TRPC1: variants seen among roughly 807,000 people sequenced by gnomAD.
The protein encoded by TRPC1 is short transient receptor potential channel 1.
TRPC1 carries 42 observed loss-of-function variants against 88.2 expected under a neutral mutation model. The observed-to-expected ratio is 0.48, with a 90% CI of 0.37 to 0.62. The LOEUF (loss-of-function observed/expected upper bound fraction) is 0.62, where lower values mean the gene tolerates loss of function less well. TRPC1 is among the 20% of genes least tolerant of loss of function. The pLI is 0.00. For synonymous variants in TRPC1, 288 were observed against 331.8 expected (o/e 0.87, Z 1.43); for missense variants, 699 against 957.3 (o/e 0.73, Z 3.56).
At chr3:142,802,119 T>G (rs1936638094) in intron 9 of TRPC1, 50 bp from the exon 10 acceptor site, 2 of 1,272,452 alleles carry the variant, frequency 1.6e-6, no homozygotes, top group African/African-American at 3.1e-5. Flanking sequence ...ATATTTAATA[T>G]TTTGTTTTTC....
chr3:142,752,660 C>T (rs962359646), intron 4 of TRPC1, among the ~76,000 whole-genome samples: 2 of 152,124 alleles, frequency 1.3e-5, no homozygotes, highest in African/African-American at 4.8e-5. Flanking sequence ...AGGTCTTTCT[C>T]ATCCCACGAG....
rs1363623226 is a variant in TRPC1, at chr3:142,807,704, A to T, written c.*1469A>T. 6.6e-6 allele frequency: 1 copy of T among 152,178 alleles called. No homozygotes were observed. Among genetic ancestry groups the T allele is most frequent in the Non-Finnish European group, 1.5e-5 (1 of 68,026 alleles). 9.4% of individuals were successfully genotyped at this position (152,178 alleles called of 1,614,324 possible). ...AGTTATATATTTTGTCTACGATGGG[A>T]TTATGCACTTCCCAATTGGGATTTT... is the stretch of plus-strand genomic sequence containing the variant. On this transcript the variant is annotated 3_prime_UTR_variant, in exon 13 of 13. Coordinates refer to ENST00000476941, the MANE Select transcript of TRPC1 (RefSeq NM_001251845.2).
chr3:142,751,842 A>T (rs891306170), intron 4 of TRPC1, among the ~76,000 whole-genome samples: 5 of 152,216 alleles, frequency 3.3e-5, no homozygotes, highest in South Asian at 2.1e-4. Flanking sequence ...TCTGATGTTT[A>T]TTTGCAGAGG....
chr3:142,793,948 T>G, intron 9 of TRPC1: 3 of 952,094 alleles, frequency 3.2e-6, no homozygotes, highest in Non-Finnish European at 3.8e-6. Context: ...TCCTGTGAGA[T>G]GCTCTGAATT....
chr3:142,748,703 G>A (rs899315588), intron 4 of TRPC1, among the ~76,000 whole-genome samples: 2 of 152,168 alleles, frequency 1.3e-5, no homozygotes, highest in African/African-American at 2.4e-5. Context: ...TACTCCTGCT[G>A]GCAGGGGCAC....
At chr3:142,803,847 A>C in intron 10 of TRPC1, 130 bp from the exon 11 acceptor site, 1 of 919,582 alleles carries the variant, frequency 1.1e-6, no homozygotes, top group Non-Finnish European at 1.6e-6. Flanking sequence ...GGAAGTCAAC[A>C]TCATTTTTAA....
intron 1 of TRPC1, among the ~76,000 whole-genome samples, chr3:142,732,967 T>C (rs1455266805): frequency 6.1e-5 from 4 of 65,882 alleles, no homozygotes; most frequent in Non-Finnish European, 1.0e-4. Context: ...TGTTCTGGTC[T>C]TTTTTTTTTT....
At chr3:142,751,349 AT>A (rs1462255509) in intron 4 of TRPC1, among the ~76,000 whole-genome samples, 4 of 152,172 alleles carry the variant, frequency 2.6e-5, no homozygotes, top group Non-Finnish European at 5.9e-5. Context: ...ATGTTTAGAT[AT>A]GCAAATATTT....
intron 2 of TRPC1, 118 bp from the exon 3 acceptor site, chr3:142,743,367 G>A (rs1934424083): frequency 1.4e-6 from 1 of 711,034 alleles, no homozygotes; most frequent in Non-Finnish European, 2.1e-6. Context: ...GAAAAATTTT[G>A]TATTACTGTA....
intron 4 of TRPC1, among the ~76,000 whole-genome samples, chr3:142,772,056 G>C (rs1935595242): frequency 6.6e-6 from 1 of 152,042 alleles, no homozygotes. Flanking sequence ...GGGTTCCCTT[G>C]TAAGTGACCT....
intron 4 of TRPC1, among the ~76,000 whole-genome samples, chr3:142,766,919 T>C (rs1424684051): frequency 2.0e-5 from 3 of 152,242 alleles, no homozygotes; most frequent in Non-Finnish European, 4.4e-5. Flanking sequence ...AATCTTTTTC[T>C]TGAAAATTTC....
rs59784693 is a variant in TRPC1 at position 142,798,565 on chromosome 3, C to T, written c.1582-3604C>T. ...GGCAAAGGACAAAGGGAAAGTAACA[C>T]GCAGAAGCGTGGAGTCCTAAAGCAT... is the stretch of plus-strand genomic sequence containing the variant. On this transcript the variant is annotated intron_variant, in intron 9 of 12. Coordinates refer to ENST00000476941, the MANE Select transcript of TRPC1 (RefSeq NM_001251845.2). Among the ~76,000 whole-genome samples, 1,179 of 152,252 alleles carry T rather than the reference C, an allele frequency of 7.7e-3. 12 individuals carry two copies. Among genetic ancestry groups the T allele is most frequent in the African/African-American group, 0.027 (1,128 of 41,542 alleles).
Position 142,736,450 on chromosome 3 carries a change from G to A in TRPC1, c.244G>A (p.Val82Met), listed in dbSNP as rs1560092689. The change falls in exon 2 of 13, where the codon GTG (valine) becomes ATG (methionine). Residue 82 changes from valine to methionine, a missense_variant. Val to Met is a conservative substitution (Grantham distance 21). This residue lies in a region of TRPC1 where 157 missense variants were observed against 127.0 expected (regional missense o/e 1.24). Coordinates refer to ENST00000476941, the MANE Select transcript of TRPC1 (RefSeq NM_001251845.2). Reference protein sequence around the residue: ...SGDLNINCVDVLGRNAVTITI... With the variant: ...SGDLNINCVDMLGRNAVTITI... ...TGACTTGAACATAAATTGCGTAGAT[G>A]TGCTTGGGAGAAATGCTGTTACCAT... is the stretch of plus-strand genomic sequence containing the variant. 6.2e-7 allele frequency: 1 copy of A among 1,612,818 alleles called. No individual in the cohort carries two copies. Among genetic ancestry groups the A allele is most frequent in the Non-Finnish European group, 8.5e-7 (1 of 1,179,522 alleles).
intron 9 of TRPC1, among the ~76,000 whole-genome samples, chr3:142,798,317 C>G (rs1220026184): frequency 6.6e-6 from 1 of 152,112 alleles, no homozygotes; most frequent in Non-Finnish European, 1.5e-5. Flanking sequence ...TTAATTAATG[C>G]ACTGGGCTCT....
Position 142,724,297 on chromosome 3 carries a change from G to C in TRPC1, c.-263G>C, listed in dbSNP as rs567607353. 1 of 226,530 alleles carries C rather than the reference G, an allele frequency of 4.4e-6. No individual in the cohort carries two copies. Among genetic ancestry groups the C allele is most frequent in the Non-Finnish European group, 8.6e-6 (1 of 116,832 alleles). 14.0% of individuals were successfully genotyped at this position (226,530 alleles called of 1,614,324 possible). A position where few individuals can be genotyped will look rare whatever the true frequency, so the allele number is the denominator to read the frequency against. On this transcript the variant is annotated 5_prime_UTR_variant, in exon 1 of 13. Coordinates refer to ENST00000476941, the MANE Select transcript of TRPC1 (RefSeq NM_001251845.2). The surrounding 1 kb of genome is among the most constrained non-coding windows in gnomAD (Gnocchi z 5.6). ...TCCCCGGACGGGCGCGGACCGGCTC[G>C]GCCGGGGCGCCGGCGGCTGGGGAGG... is the stretch of plus-strand genomic sequence containing the variant.
rs1049582548 is a variant in TRPC1, at chr3:142,767,406, GT to G, written c.633-10223del. ...TGCAAATATTTTCTCCCAGTCTGTG[GT>G]TTGCCTTCTCATTCTTATGATCCAC... On this transcript the variant is annotated intron_variant, in intron 4 of 12. Transcript: ENST00000476941. The surrounding 1 kb of genome is among the most constrained non-coding windows in gnomAD (Gnocchi z 5.1). 6.6e-6 allele frequency among the ~76,000 whole-genome samples: 1 copy of G among 151,472 alleles called. No homozygotes were observed. The highest frequency in any genetic ancestry group is 1.5e-5 in the Non-Finnish European group (1 of 67,810).
At chr3:142,785,504 T>G (rs1466130858) in intron 7 of TRPC1, among the ~76,000 whole-genome samples, 1 of 152,194 alleles carries the variant, frequency 6.6e-6, no homozygotes, top group Non-Finnish European at 1.5e-5. Flanking sequence ...TTGTTTTGTT[T>G]TGTTTTGTTT....
chr3:142,773,103 TAGAC>T (rs1239028145), intron 4 of TRPC1, among the ~76,000 whole-genome samples: 1 of 152,230 alleles, frequency 6.6e-6, no homozygotes, highest in African/African-American at 2.4e-5. Context: ...GATGTACTGG[TAGAC>T]AGAACTTCAG....
At chr3:142,728,757 GT>G (rs1933782576) in intron 1 of TRPC1, among the ~76,000 whole-genome samples, 1 of 152,158 alleles carries the variant, frequency 6.6e-6, no homozygotes, top group African/African-American at 2.4e-5. Flanking sequence ...TTAAGCTGCT[GT>G]TTTTTAAACA....
Sources: gnomAD v4.1 joint callset for allele counts (sites outside exome capture counted in the v4.1 genomes callset) on GRCh38, gnomAD v4.1.1 for gene constraint, gnomAD v4.1.1 regional missense constraint, Gnocchi (gnomAD v3.1) non-coding constraint, MANE v1.5 for transcripts, NCBI Gene and HGNC (gene_info 2026-07-23, HGNC 2026-07-21) for gene names.